Variants in FAM81A observed in about 807,000 individuals in gnomAD.
FAM81A encodes the protein protein FAM81A.
Under a neutral mutation model 46.7 loss-of-function variants are expected in FAM81A, and 19 were observed. The observed-to-expected ratio is 0.41, with a 90% CI of 0.28 to 0.60. The LOEUF is 0.60. FAM81A is among the 20% of genes least tolerant of loss of function. The pLI, the probability that FAM81A is intolerant of heterozygous loss-of-function variation, is 0.34. For missense variants in FAM81A, 377 were observed against 453.5 expected (o/e 0.83, Z 1.53); for synonymous variants, 183 against 152.9 (o/e 1.20, Z -1.45).
chr15:59,512,161 G>A (rs566162668), intron 6 of FAM81A, among the ~76,000 whole-genome samples: 3 of 152,122 alleles, frequency 2.0e-5, no homozygotes, highest in South Asian at 2.1e-4. Context: ...ACTTTAGTAC[G>A]TTCCATTTGT....
At chr15:59,411,466 T>C (rs2081120284) in intron 2 of FAM81A, among the ~76,000 whole-genome samples, 1 of 152,154 alleles carries the variant, frequency 6.6e-6, no homozygotes, top group African/African-American at 2.4e-5. Context: ...ACTCAGAGTA[T>C]TGATCAGAAT....
At chr15:59,441,864 CT>C (rs1339441551) in intron 1 of FAM81A, among the ~76,000 whole-genome samples, 1 of 152,188 alleles carries the variant, frequency 6.6e-6, no homozygotes, top group African/African-American at 2.4e-5. Flanking sequence ...TCCCTTCCCC[CT>C]GCCCCAGCCT....
intron 2 of FAM81A, among the ~76,000 whole-genome samples, chr15:59,421,717 GTC>G (rs55743675): frequency 0.16 from 21,541 of 131,902 alleles, 2,121 homozygotes; most frequent in South Asian, 0.28. Flanking sequence ...CTATCTATCT[GTC>G]TGTCTGTCTG....
intron 6 of FAM81A, 37 bp from the exon 7 acceptor site, chr15:59,514,252 A>G (rs749905250): frequency 2.0e-6 from 3 of 1,513,230 alleles, no homozygotes; most frequent in Non-Finnish European, 2.7e-6. Context: ...TAAAAAATAA[A>G]CTGTTTTACA....
intron 2 of FAM81A, among the ~76,000 whole-genome samples, chr15:59,409,386 C>T (rs554053909): frequency 6.6e-6 from 1 of 152,272 alleles, no homozygotes; most frequent in Non-Finnish European, 1.5e-5. Context: ...TGAGAAAAAT[C>T]CCTCTTCCAT....
chr15:59,479,393 C>G (rs1158609349), intron 3 of FAM81A, among the ~76,000 whole-genome samples: 2 of 151,738 alleles, frequency 1.3e-5, no homozygotes, highest in Non-Finnish European at 2.9e-5. Context: ...TGCCTGTACT[C>G]CCAGCTGCTT....
At chr15:59,483,355 A>G (rs2081878056) in intron 3 of FAM81A, among the ~76,000 whole-genome samples, 1 of 151,948 alleles carries the variant, frequency 6.6e-6, no homozygotes, top group African/African-American at 2.4e-5. Flanking sequence ...TTTCCTTTTT[A>G]CTGTCAGTGC....
chr15:59,499,788 C>T (rs1211790355), intron 4 of FAM81A, among the ~76,000 whole-genome samples: 1 of 151,486 alleles, frequency 6.6e-6, no homozygotes, highest in African/African-American at 2.4e-5. Context: ...TAATATTATT[C>T]TAGTTCCCTT....
In FAM81A at chr15:59,523,551, A is replaced by G. The variant is rs920873267; in HGVS notation, c.*2173A>G. 4.6e-5 allele frequency: 7 copies of G among 152,228 alleles called. No homozygotes were observed. The highest frequency in any genetic ancestry group is 1.7e-4 in the African/African-American group (7 of 41,460). 9.4% of individuals were successfully genotyped at this position (152,228 alleles called of 1,614,324 possible). ...ATAAAAAGAAAAATAAAATTTTCAC[A>G]TAAATGTGGTGTATGATTTTTAAAT... On this transcript the variant is annotated 3_prime_UTR_variant, in exon 9 of 9. Coordinates refer to ENST00000288228, the MANE Select transcript of FAM81A (RefSeq NM_152450.3).
At chr15:59,476,646 T>G (rs1331852981) in intron 3 of FAM81A, among the ~76,000 whole-genome samples, 1 of 151,814 alleles carries the variant, frequency 6.6e-6, no homozygotes, top group African/African-American at 2.4e-5. Flanking sequence ...AAAAATTAGC[T>G]GGGCCTGATG....
At chr15:59,483,525 C>A (rs901698739) in intron 3 of FAM81A, among the ~76,000 whole-genome samples, 2 of 152,010 alleles carry the variant, frequency 1.3e-5, no homozygotes, top group African/African-American at 4.8e-5. Context: ...GAAGAGGGAG[C>A]ACAAAAACAA....
intron 2 of FAM81A, chr15:59,407,047 C>A: frequency 6.0e-6 from 1 of 165,662 alleles, no homozygotes; most frequent in South Asian, 1.6e-4. Flanking sequence ...AGGACATTGC[C>A]TCCCCAGTGA....
chr15:59,480,104 A>G (rs2081830986), intron 3 of FAM81A, among the ~76,000 whole-genome samples: 2 of 152,142 alleles, frequency 1.3e-5, no homozygotes, highest in South Asian at 4.1e-4. Flanking sequence ...AGCTGACAGG[A>G]CTTCCTGCCT....
At chr15:59,401,242 A>C (rs1227643851) in intron 1 of FAM81A, 1 of 1,049,006 alleles carries the variant, frequency 9.5e-7, no homozygotes, top group African/African-American at 1.6e-5. Flanking sequence ...GACTGCATTT[A>C]TGCATCCATC....
rs1421172748 is a variant in FAM81A at position 59,399,540 on chromosome 15, C to T, written c.-160-2736C>T. 2.0e-5 allele frequency among the ~76,000 whole-genome samples: 3 copies of T among 152,164 alleles called. No individual in the cohort carries two copies. In the South Asian group the frequency reaches 6.2e-4, roughly 32 times the overall value. ...TGGTATCTGAGCACTGAATAAAATA[C>T]GCTGAAGAACCCATGCAGATGAAAG... On this transcript the variant is annotated intron_variant, in intron 1 of 4. Transcript: ENST00000558348.
At chr15:59,457,393 A>C (rs2081497880) in intron 1 of FAM81A, among the ~76,000 whole-genome samples, 1 of 152,218 alleles carries the variant, frequency 6.6e-6, no homozygotes, top group South Asian at 2.1e-4. Flanking sequence ...GTGACCAAGT[A>C]ACCCTTATTT....
At chr15:59,426,966 C>T (rs2081197568) in intron 2 of FAM81A, among the ~76,000 whole-genome samples, 1 of 152,192 alleles carries the variant, frequency 6.6e-6, no homozygotes, top group African/African-American at 2.4e-5. Flanking sequence ...ATGCACATAT[C>T]ACTAGTTCAT....
chr15:59,474,917 A>C (rs534045353), intron 3 of FAM81A, among the ~76,000 whole-genome samples: 1 of 152,298 alleles, frequency 6.6e-6, no homozygotes, highest in East Asian at 1.9e-4. Flanking sequence ...TCGACTCTCA[A>C]ATGTGACAGG....
At chr15:59,466,803 C>A (rs1353388633) in intron 3 of FAM81A, among the ~76,000 whole-genome samples, 14 of 152,090 alleles carry the variant, frequency 9.2e-5, no homozygotes, top group African/African-American at 3.1e-4. Context: ...CTGAATGGTA[C>A]TGCCTAGGTT....
Sources: gnomAD v4.1 joint callset for allele counts (sites outside exome capture counted in the v4.1 genomes callset) on GRCh38, gnomAD v4.1.1 for gene constraint, MANE v1.5 for transcripts, NCBI Gene and HGNC (gene_info 2026-07-23, HGNC 2026-07-21) for gene names.